Variants in ALG6 observed in about 807,000 individuals in gnomAD.
ALG6 encodes the protein dolichyl pyrophosphate Man9GlcNAc2 alpha-1,3-glucosyltransferase.
In ALG6, 46 loss-of-function variants were observed where a neutral mutation model predicts 66.6. The observed-to-expected ratio is 0.69, with a 90% CI of 0.55 to 0.88. ALG6 has a LOEUF of 0.88. Among genes scored for constraint, ALG6 ranks in the 40% least tolerant of loss-of-function variants. The probability of loss-of-function intolerance (pLI) is 0.00; values close to 1 mark genes in which losing one functional copy is unlikely to be tolerated. For synonymous variants in ALG6, 185 were observed against 203.7 expected, an observed-to-expected ratio of 0.91 and a Z score of 0.78; for missense variants, 505 against 586.8, an observed-to-expected ratio of 0.86 and a Z score of 1.44.
chr1:63,427,546 A>C (rs1433787696), intron 12 of ALG6, among the ~76,000 whole-genome samples: 1 of 152,152 alleles, frequency 6.6e-6, no homozygotes, highest in Non-Finnish European at 1.5e-5. Context: ...ACCTGCAAAG[A>C]GTTCTTTCAA....
chr1:63,404,751 G>T (rs1644482075), intron 5 of ALG6, among the ~76,000 whole-genome samples: 1 of 152,150 alleles, frequency 6.6e-6, no homozygotes, highest in Non-Finnish European at 1.5e-5. Context: ...ATAATTCTGG[G>T]TGCTTTACAT....
chr1:63,431,597 G>A (rs949878565), intron 14 of ALG6, among the ~76,000 whole-genome samples: 2 of 151,978 alleles, frequency 1.3e-5, no homozygotes, highest in South Asian at 2.1e-4. Context: ...TTTTAGAGAC[G>A]GAGTTTCACC....
chr1:63,386,533 C>G (rs1648508402), intron 2 of ALG6, among the ~76,000 whole-genome samples: 2 of 152,026 alleles, frequency 1.3e-5, no homozygotes, highest in African/African-American at 4.8e-5. Context: ...CTTCCTGGTT[C>G]AGTCTTGGTA....
At chr1:63,396,464 G>A in intron 2 of ALG6, 49 bp from the exon 3 acceptor site, 3 of 1,465,446 alleles carry the variant, frequency 2.0e-6, no homozygotes, top group East Asian at 2.3e-5. Context: ...AAAAATCACT[G>A]ATATGCTAAA....
chr1:63,422,113 A>G (rs1384798508), intron 12 of ALG6, among the ~76,000 whole-genome samples: 1 of 96,008 alleles, frequency 1.0e-5, no homozygotes, highest in Non-Finnish European at 2.0e-5. Flanking sequence ...ATATAAATAT[A>G]TATAAATATA....
chr1:63,403,852 G>A (rs1381451470), intron 4 of ALG6, among the ~76,000 whole-genome samples: 1 of 152,148 alleles, frequency 6.6e-6, no homozygotes, highest in Non-Finnish European at 1.5e-5. Flanking sequence ...TGGGATCATT[G>A]TCCTACATAT....
At chr1:63,412,157 C>T (rs1644520031) in intron 9 of ALG6, 96 bp downstream of exon 9, 2 of 1,529,188 alleles carry the variant, frequency 1.3e-6, no homozygotes, top group Non-Finnish European at 1.8e-6. Flanking sequence ...GGAACTTCAG[C>T]TACTTTCCTC....
At chr1:63,424,106 G>A (rs1039779512) in intron 12 of ALG6, among the ~76,000 whole-genome samples, 1 of 152,024 alleles carries the variant, frequency 6.6e-6, no homozygotes, top group Non-Finnish European at 1.5e-5. Context: ...GGCACAATAT[G>A]TCTATCTTCT....
chr1:63,420,859 T>TC (rs1644569226), intron 12 of ALG6, among the ~76,000 whole-genome samples: 1 of 111,828 alleles, frequency 8.9e-6, no homozygotes, highest in African/African-American at 3.8e-5. Context: ...AGACTCTGTC[T>TC]CAAAAAAAAA....
intron 5 of ALG6, among the ~76,000 whole-genome samples, chr1:63,405,908 A>G (rs1431256678): frequency 2.0e-5 from 3 of 151,854 alleles, no homozygotes; most frequent in Non-Finnish European, 4.4e-5. Flanking sequence ...GCAAAAGTTT[A>G]TATTTTTTCA....
chr1:63,385,502 C>T (rs746558742), intron 2 of ALG6, among the ~76,000 whole-genome samples: 9 of 152,102 alleles, frequency 5.9e-5, no homozygotes, highest in African/African-American at 1.2e-4. Context: ...TGAGCCACCA[C>T]GCCCGGCCTT....
chr1:63,408,242 T>C (rs549476475), intron 7 of ALG6, among the ~76,000 whole-genome samples: 5 of 152,310 alleles, frequency 3.3e-5, no homozygotes, highest in African/African-American at 4.8e-5. Flanking sequence ...TTGAATTTTA[T>C]ATGAAAGGGA....
chr1:63,391,035 A>G (rs1648658220), intron 2 of ALG6, among the ~76,000 whole-genome samples: 1 of 152,168 alleles, frequency 6.6e-6, no homozygotes, highest in African/African-American at 2.4e-5. Flanking sequence ...TGTTCCTGCC[A>G]GGGGGACAGT....
At chr1:63,377,103 A>G (rs1392147266) in intron 2 of ALG6, among the ~76,000 whole-genome samples, 1 of 152,086 alleles carries the variant, frequency 6.6e-6, no homozygotes, top group African/African-American at 2.4e-5. Context: ...CTGGGATTAC[A>G]GGCGTGCGCT....
chr1:63,407,636 T>C (rs916739527), intron 7 of ALG6, among the ~76,000 whole-genome samples: 1 of 152,050 alleles, frequency 6.6e-6, no homozygotes, highest in Non-Finnish European at 1.5e-5. Flanking sequence ...AAAGCTTAGA[T>C]GAGAATAAAT....
At chr1:63,402,727 A>C (rs1328549456) in intron 4 of ALG6, among the ~76,000 whole-genome samples, 1 of 149,804 alleles carries the variant, frequency 6.7e-6, no homozygotes, top group Non-Finnish European at 1.5e-5. Context: ...TCAGCCTCCC[A>C]AAGTGCTGGG....
intron 7 of ALG6, among the ~76,000 whole-genome samples, chr1:63,410,929 A>G (rs1176446160): frequency 6.6e-6 from 1 of 152,156 alleles, no homozygotes; most frequent in Non-Finnish European, 1.5e-5. Flanking sequence ...GATTTAATGT[A>G]TTTGATGCTG....
intron 2 of ALG6, among the ~76,000 whole-genome samples, chr1:63,382,665 G>GTTTTTTTTTTTTTTTT (rs59236936): frequency 1.1e-5 from 1 of 93,598 alleles, no homozygotes; most frequent in Non-Finnish European, 2.1e-5. Flanking sequence ...GTTTTTTTTT[G>GTTTTTTTTTTTTTTTT]TTTTTTTTTT....
At chr1:63,434,800 T>C (rs1399110622) in intron 14 of ALG6, among the ~76,000 whole-genome samples, 1 of 152,164 alleles carries the variant, frequency 6.6e-6, no homozygotes, top group African/African-American at 2.4e-5. Flanking sequence ...GTCATATTAC[T>C]GGATGACTCA....
Sources: allele counts gnomAD v4.1 joint callset (sites outside exome capture counted in the v4.1 genomes callset), GRCh38; gene constraint gnomAD v4.1.1; transcripts MANE v1.5; gene names NCBI Gene and HGNC (gene_info 2026-07-23, HGNC 2026-07-21).